Variants in KIF5A observed in about 807,000 individuals in gnomAD.
KIF5A encodes kinesin family member 5A.
In KIF5A, 35 loss-of-function variants were observed where a neutral mutation model predicts 141.3. That is an observed-to-expected ratio of 0.25 (90% CI 0.19 to 0.33). The LOEUF (loss-of-function observed/expected upper bound fraction) is 0.33, where lower values mean the gene tolerates loss of function less well. Ranked by LOEUF, KIF5A falls within the 10% of genes least tolerant of loss-of-function variation. The pLI, the probability that KIF5A is intolerant of heterozygous loss-of-function variation, is 1.00. For synonymous variants in KIF5A, 448 were observed against 500.2 expected (o/e 0.90, Z 1.39); for missense variants, 861 against 1,314.3 (o/e 0.66, Z 5.33).
Position 57,570,120 on chromosome 12 carries a change from CGAG to C in KIF5A, c.1258_1260del (p.Glu420del). On this transcript the variant is annotated inframe_deletion, in exon 12 of 29. Coordinates refer to ENST00000455537, the MANE Select transcript of KIF5A (RefSeq NM_004984.4). ...TCGCGCCCGAGGAGCGGCAGAAATA[CGAG>C]GAGGAGATCCGCCGTCTCTATAAGC... 2 of 1,614,046 alleles carry C rather than the reference CGAG, an allele frequency of 1.2e-6. No individual in the cohort carries two copies. The highest frequency in any genetic ancestry group is 1.7e-6 in the Non-Finnish European group (2 of 1,180,022).
Position 57,550,465 on chromosome 12 carries a change from G to T in KIF5A, c.129+65G>T. The T allele has an allele frequency of 1.3e-6, 2 of 1,569,836 alleles. No individual in the cohort carries two copies. Among genetic ancestry groups the T allele is most frequent in the Non-Finnish European group, 1.7e-6 (2 of 1,143,160 alleles). On this transcript the variant is annotated intron_variant, in intron 1 of 28. Coordinates refer to ENST00000455537, the MANE Select transcript of KIF5A (RefSeq NM_004984.4). The surrounding 1 kb of genome is among the most constrained non-coding windows in gnomAD (Gnocchi z 4.6). ...TGGCTGAATCTCCCCGCCCCCCGCA[G>T]AGCCTTAGTCTCTGCTGGTCCCTTT...
chr12:57,556,826 C>G (rs1435027752), intron 1 of KIF5A, among the ~76,000 whole-genome samples: 1 of 152,104 alleles, frequency 6.6e-6, no homozygotes, highest in Non-Finnish European at 1.5e-5. Context: ...CATCTTTTCA[C>G]ATTTTTCTGC....
chr12:57,579,207 G>T (rs564194437), intron 23 of KIF5A, among the ~76,000 whole-genome samples: 2 of 152,122 alleles, frequency 1.3e-5, no homozygotes. Flanking sequence ...GGTTTCAAAG[G>T]TATGGGCTGG....
chr12:57,573,749 A>G (rs1021052882), intron 15 of KIF5A, among the ~76,000 whole-genome samples: 7 of 151,316 alleles, frequency 4.6e-5, no homozygotes, highest in Non-Finnish European at 8.8e-5. Flanking sequence ...GAATCGCTTG[A>G]ACCTGGAGGC....
chr12:57,556,817 A>G (rs1465355951), intron 1 of KIF5A, among the ~76,000 whole-genome samples: 1 of 152,090 alleles, frequency 6.6e-6, no homozygotes, highest in Admixed American at 6.6e-5. Flanking sequence ...AGCCAGTCTC[A>G]TCTTTTCACA....
chr12:57,570,181 G>A lies in KIF5A; in HGVS notation c.1293+19G>A. ...CGACAAGGTGAGGGCGGCCAGGCAG[G>A]GCACTGAGGCACGCCAGGTGGGATG... On this transcript the variant is annotated intron_variant, in intron 12 of 28. Coordinates refer to ENST00000455537, the MANE Select transcript of KIF5A (RefSeq NM_004984.4). 1 of 1,611,246 alleles carries A rather than the reference G, an allele frequency of 6.2e-7. No individual in the cohort carries two copies. The highest frequency in any genetic ancestry group is 8.5e-7 in the Non-Finnish European group (1 of 1,178,844).
At chr12:57,563,389 T>C in intron 1 of KIF5A, 50 bp from the exon 2 acceptor site, 1 of 1,336,338 alleles carries the variant, frequency 7.5e-7, no homozygotes. Flanking sequence ...GTATTTCTTT[T>C]CCCTCACATC....
chr12:57,582,685 A>T, intron 27 of KIF5A, 56 bp downstream of exon 27: 2 of 1,438,096 alleles, frequency 1.4e-6, no homozygotes, highest in Non-Finnish European at 2.0e-6. Flanking sequence ...AGAAATGATT[A>T]AATTTCCCTT....
At chr12:57,557,783 C>A (rs1403415547) in intron 1 of KIF5A, among the ~76,000 whole-genome samples, 1 of 151,800 alleles carries the variant, frequency 6.6e-6, no homozygotes, top group East Asian at 1.9e-4. Context: ...CCTCTGCCTC[C>A]CGGGTTCAAG....
At chr12:57,561,936 A>G (rs1881919465) in intron 1 of KIF5A, among the ~76,000 whole-genome samples, 1 of 152,194 alleles carries the variant, frequency 6.6e-6, no homozygotes, top group Non-Finnish European at 1.5e-5. Context: ...AACTCTGCAA[A>G]CTCTGGCGTC....
At chr12:57,574,995 G>A in intron 15 of KIF5A, 89 bp from the exon 16 acceptor site, 1 of 1,159,060 alleles carries the variant, frequency 8.6e-7, no homozygotes, top group Non-Finnish European at 1.3e-6. Context: ...CTGCGTATGT[G>A]GGTGTGTATG....
chr12:57,572,457 T>C lies in KIF5A; in HGVS notation c.1570-123T>C. On this transcript the variant is annotated intron_variant, in intron 14 of 28. Coordinates refer to ENST00000455537, the MANE Select transcript of KIF5A (RefSeq NM_004984.4). The surrounding 1 kb of genome is among the most constrained non-coding windows in gnomAD (Gnocchi z 4.2). ...AGTCCCTCTGTCTTTCAGACTCTTC[T>C]GCAGGGCCTGTGTTCTCTTCATAGC... 9 of 1,383,096 alleles carry C rather than the reference T, an allele frequency of 6.5e-6. No individual in the cohort carries two copies. Among genetic ancestry groups the C allele is most frequent in the Middle Eastern group, 2.1e-4 (1 of 4,680 alleles). The allele number at this position is 1,383,096 out of a possible 1,614,324, so 85.7% of individuals were successfully genotyped here.
Position 57,578,256 on chromosome 12 carries a change from G to A in KIF5A, c.2452G>A (p.Glu818Lys), listed in dbSNP as rs766050696. 9.9e-6 allele frequency: 16 copies of A among 1,613,816 alleles called. No individual in the cohort carries two copies. The highest frequency in any genetic ancestry group is 1.3e-5 in the Non-Finnish European group (15 of 1,179,844). Residue 818 changes from glutamate to lysine, a missense_variant, in exon 23 of 29, where the codon GAA becomes AAA. Physicochemically the swap from Glu to Lys is moderately conservative, Grantham distance 56. Around this residue, in one of 5 missense-constraint regions of KIF5A, gnomAD observed 482 missense variants for 661.3 expected, o/e 0.73. Coordinates refer to ENST00000455537, the MANE Select transcript of KIF5A (RefSeq NM_004984.4). ...TTCTCAGAGTGCAGAAATGGAGCCC[G>A]AAGACAGTGGGGGGATTCACTCCCA... The part of the protein sequence containing the change: ...RVKKSAEMEP[E>K]DSGGIHSQKQ...
chr12:57,569,430 T>A, intron 10 of KIF5A, 26 bp downstream of exon 10: 1 of 1,613,692 alleles, frequency 6.2e-7, no homozygotes, highest in Non-Finnish European at 8.5e-7. Flanking sequence ...CCCAGAGGGA[T>A]CCCTGGTACC....
chr12:57,554,093 G>A (rs763585028), intron 1 of KIF5A, among the ~76,000 whole-genome samples: 3 of 151,726 alleles, frequency 2.0e-5, no homozygotes, highest in Non-Finnish European at 4.4e-5. Flanking sequence ...ATGTGAGGAG[G>A]GGGGATATGG....
chr12:57,552,754 G>C (rs1225177379), intron 1 of KIF5A, among the ~76,000 whole-genome samples: 2 of 152,118 alleles, frequency 1.3e-5, no homozygotes, highest in African/African-American at 4.8e-5. Flanking sequence ...AATGGGGGAG[G>C]CTGCTTCAGG....
intron 11 of KIF5A, 75 bp downstream of exon 11, chr12:57,569,758 T>C: frequency 6.3e-7 from 1 of 1,584,814 alleles, no homozygotes; most frequent in Non-Finnish European, 8.6e-7. Flanking sequence ...TCTGTTTGGG[T>C]GGTGTTTCTG....
Position 57,576,104 on chromosome 12 carries a change from G to A in KIF5A, c.2041G>A (p.Ala681Thr), listed in dbSNP as rs1212119444. 1.2e-6 allele frequency: 2 copies of A among 1,614,038 alleles called. No homozygotes were observed. Among genetic ancestry groups the A allele is most frequent in the African/African-American group, 1.3e-5 (1 of 74,918 alleles). Reference protein sequence around the residue: ...LQAQETVHEVALKDKEPDTQD... With the variant: ...LQAQETVHEVTLKDKEPDTQD... Reference sequence around the variant, plus strand: ...TCCCTTAGAAACTGTGCATGAAGTGGCCCTGAAGGACAAGGAGCCTGACAC... The same window carrying A: ...TCCCTTAGAAACTGTGCATGAAGTGACCCTGAAGGACAAGGAGCCTGACAC... The change falls in exon 18 of 29, where the codon GCC (alanine) becomes ACC (threonine). Residue 681 changes from alanine (A) to threonine (T), a missense_variant. Physicochemically the swap from Ala to Thr is moderately conservative, Grantham distance 58 (BLOSUM62 0). Coordinates refer to ENST00000455537, the MANE Select transcript of KIF5A (RefSeq NM_004984.4).
intron 8 of KIF5A, 95 bp from the exon 9 acceptor site, chr12:57,568,868 T>A: frequency 1.2e-6 from 1 of 803,226 alleles, no homozygotes; most frequent in Non-Finnish European, 2.1e-6. Context: ...TCCCTGTTCC[T>A]TCCTTCCTCC....
Sources: gnomAD v4.1 joint callset for allele counts (sites outside exome capture counted in the v4.1 genomes callset) on GRCh38, gnomAD v4.1.1 for gene constraint, gnomAD v4.1.1 regional missense constraint, Gnocchi (gnomAD v3.1) non-coding constraint, MANE v1.5 for transcripts, NCBI Gene and HGNC (gene_info 2026-07-23, HGNC 2026-07-21) for gene names.